COPS7B: variants seen among roughly 807,000 people sequenced by gnomAD.
COPS7B encodes the protein COP9 signalosome subunit 7B, also known as COP9 signalosome complex subunit 7b.
In COPS7B, 9 loss-of-function variants were observed where a neutral mutation model predicts 33.4. The observed-to-expected ratio is 0.27, with a 90% CI of 0.16 to 0.47. COPS7B has a LOEUF of 0.47. Among genes scored for constraint, COPS7B ranks in the 20% least tolerant of loss-of-function variants. The probability of loss-of-function intolerance (pLI) is 0.99; values close to 1 mark genes in which losing one functional copy is unlikely to be tolerated. For synonymous variants in COPS7B, 119 were observed against 126.3 expected (o/e 0.94, Z 0.39); for missense variants, 242 against 318.2 (o/e 0.76, Z 1.82).
chr2:231,788,715 C>A lies in COPS7B; in HGVS notation c.145C>A (p.Leu49Met), dbSNP rs759195293. The change falls in exon 2 of 7, where the codon CTG becomes ATG. Residue 49 changes from leucine to methionine, a missense_variant. By Grantham distance (15) the Leu-to-Met change is conservative. Coordinates refer to ENST00000350033, the MANE Select transcript of COPS7B (RefSeq NM_022730.4). Reference protein sequence around the residue: ...GVYVFGELLELANVQELAEGA... With the variant: ...GVYVFGELLEMANVQELAEGA... ...GTATGTCTTTGGAGAACTTCTGGAGCTGGCCAACGTGCAGGAGGTAAGAAC... is the reference window on the plus strand; with the variant it reads ...GTATGTCTTTGGAGAACTTCTGGAGATGGCCAACGTGCAGGAGGTAAGAAC... 3.7e-6 allele frequency: 6 copies of A among 1,614,012 alleles called. No individual in the cohort carries two copies. The highest frequency in any genetic ancestry group is 5.1e-6 in the Non-Finnish European group (6 of 1,179,986).
chr2:231,807,442 G>A, intron 6 of COPS7B, 45 bp from the exon 7 acceptor site: 1 of 1,537,286 alleles, frequency 6.5e-7, no homozygotes, highest in Non-Finnish European at 8.8e-7. Context: ...AAGTTTTGGT[G>A]AGCACATACA....
At chr2:231,786,627 C>A in intron 1 of COPS7B, 89 bp downstream of exon 1, 1 of 618,440 alleles carries the variant, frequency 1.6e-6, no homozygotes, top group Non-Finnish European at 2.0e-6. Flanking sequence ...CCAAGGAAGC[C>A]CGCGGCCGTG....
chr2:231,807,783 G>A lies in COPS7B; in HGVS notation c.*138G>A. 1.4e-6 allele frequency: 1 copy of A among 740,330 alleles called. No homozygotes were observed. The highest frequency in any genetic ancestry group is 2.1e-6 in the Non-Finnish European group (1 of 472,666). The allele number at this position is 740,330 out of a possible 1,614,324, so 45.9% of individuals were successfully genotyped here. ...TCACCAGCGCCTCCCCACCCTGTTG[G>A]TACTGTTCCAGAAAAACTGTTACTC... On this transcript the variant is annotated 3_prime_UTR_variant, in exon 7 of 7. Transcript: ENST00000350033.
At chr2:231,787,454 G>T (rs1356792911) in intron 1 of COPS7B, among the ~76,000 whole-genome samples, 2 of 152,106 alleles carry the variant, frequency 1.3e-5, no homozygotes, top group African/African-American at 4.8e-5. Flanking sequence ...TGGAACTCCT[G>T]TACACTCAGC....
upstream of COPS7B, chr2:231,786,432 A>T (rs2049243274): frequency 1.0e-6 from 1 of 985,704 alleles, no homozygotes; most frequent in Non-Finnish European, 1.2e-6. Flanking sequence ...GTCGGCGGAG[A>T]CAGAAAAGCG....
chr2:231,805,433 T>TATA (rs1559377865), intron 6 of COPS7B, among the ~76,000 whole-genome samples: 2 of 113,264 alleles, frequency 1.8e-5, no homozygotes, highest in African/African-American at 4.2e-5. Context: ...ATATATATAT[T>TATA]TTTTTTTAAA....
chr2:231,807,356 G>C (rs1302748549), intron 6 of COPS7B, 131 bp from the exon 7 acceptor site: 4 of 912,408 alleles, frequency 4.4e-6, no homozygotes, highest in Non-Finnish European at 6.3e-6. Flanking sequence ...CTGCTCATCT[G>C]GATTTCTGAA....
chr2:231,800,994 C>A, intron 6 of COPS7B: 3 of 711,332 alleles, frequency 4.2e-6, no homozygotes, highest in South Asian at 3.7e-5. Context: ...TAGCTACTGA[C>A]TTGAAAGGAA....
chr2:231,781,769 C>T (rs1574642793), upstream of COPS7B: 2 of 1,484,986 alleles, frequency 1.3e-6, no homozygotes, highest in Admixed American at 2.0e-5. Flanking sequence ...TTGGTCGTTT[C>T]GGAATCCCGA....
intron 5 of COPS7B, among the ~76,000 whole-genome samples, chr2:231,796,971 A>G (rs995539313): frequency 1.3e-5 from 2 of 152,250 alleles, no homozygotes; most frequent in African/African-American, 4.8e-5. Flanking sequence ...CTCACATTCT[A>G]CGAGGATTCA....
intron 1 of COPS7B, among the ~76,000 whole-genome samples, chr2:231,787,270 TTTC>T (rs1559351368): frequency 6.6e-6 from 1 of 152,228 alleles, no homozygotes; most frequent in African/African-American, 2.4e-5. Context: ...GACATACTTG[TTTC>T]TCTAATACTG....
In COPS7B at chr2:231,796,149, A is replaced by C. The variant is rs770972842; in HGVS notation, c.371A>C (p.Asn124Thr). ...TTGCTGAAAGACCTGGAGATGCGGA[A>C]TCTCCGGGAACTAGAAGACCTTATC... is the stretch of plus-strand genomic sequence containing the variant. ...SVLLKDLEMR[N>T]LRELEDLIIE... Residue 124 changes from asparagine to threonine, a missense_variant, in exon 5 of 7, where the codon AAT becomes ACT. Coordinates refer to ENST00000350033, the MANE Select transcript of COPS7B (RefSeq NM_022730.4). 1.9e-6 allele frequency: 3 copies of C among 1,614,124 alleles called. No homozygotes were observed. The highest frequency in any genetic ancestry group is 1.7e-6 in the Non-Finnish European group (2 of 1,180,004).
rs2049947465 is a variant in COPS7B at position 231,808,076 on chromosome 2, C to G, written c.*431C>G. 4.9e-6 allele frequency: 1 copy of G among 204,120 alleles called. No individual in the cohort carries two copies. The highest frequency in any genetic ancestry group is 9.9e-6 in the Non-Finnish European group (1 of 100,622). 12.6% of individuals were successfully genotyped at this position (204,120 alleles called of 1,614,324 possible). A position where few individuals can be genotyped will look rare whatever the true frequency, so the allele number is the denominator to read the frequency against. ...GAGGAGGGGGCACTCCTCTCCAGCCCCTGGTACCACAGTCCTCACGATGGT... is the reference window on the plus strand; with the variant it reads ...GAGGAGGGGGCACTCCTCTCCAGCCGCTGGTACCACAGTCCTCACGATGGT... On this transcript the variant is annotated 3_prime_UTR_variant, in exon 7 of 7. Transcript: ENST00000350033.
chr2:231,794,828 T>A (rs1257877500), intron 4 of COPS7B, among the ~76,000 whole-genome samples: 2 of 152,044 alleles, frequency 1.3e-5, no homozygotes, highest in East Asian at 3.9e-4. Flanking sequence ...TGATCTCAGC[T>A]CACTGCAACC....
Position 231,796,297 on chromosome 2 carries a change from C to T in COPS7B, c.519C>T (p.Thr173=), listed in dbSNP as rs137948849. Residue 173 remains threonine, a synonymous_variant, in exon 5 of 7, where the codon ACC becomes ACT. Coordinates refer to ENST00000350033, the MANE Select transcript of COPS7B (RefSeq NM_022730.4). ...AGGATATCAATAATATTGTCAAGAC[C>T]CTGCATGAATGGTGAGGCTAAAAGG... is the stretch of plus-strand genomic sequence containing the variant. ...RKKDINNIVK[T]LHEWCDGCEA... 3.7e-4 allele frequency: 603 copies of T among 1,613,844 alleles called. 3 individuals are homozygous for T. The African/African-American group carries it at 7.2e-3, about 19-fold the overall frequency.
At chr2:231,805,999 C>T (rs1334977053) in intron 6 of COPS7B, among the ~76,000 whole-genome samples, 1 of 151,980 alleles carries the variant, frequency 6.6e-6, no homozygotes, top group Non-Finnish European at 1.5e-5. Flanking sequence ...ATTCTCTCTT[C>T]AGAAAGGCTA....
upstream of COPS7B, among the ~76,000 whole-genome samples, chr2:231,783,413 C>G (rs1210663074): frequency 6.6e-6 from 1 of 152,188 alleles, no homozygotes; most frequent in Non-Finnish European, 1.5e-5. Flanking sequence ...CTAGGTGCCT[C>G]TTATCCTTGT....
chr2:231,782,949 C>G (rs1162474899), upstream of COPS7B, among the ~76,000 whole-genome samples: 2 of 152,202 alleles, frequency 1.3e-5, no homozygotes, highest in Non-Finnish European at 2.9e-5. Context: ...AGTGCTCCCT[C>G]CCAATCAGTA....
At chr2:231,797,919 C>T (rs888966207) in intron 5 of COPS7B, among the ~76,000 whole-genome samples, 2 of 152,164 alleles carry the variant, frequency 1.3e-5, no homozygotes, top group African/African-American at 4.8e-5. Flanking sequence ...GACAGTTTTG[C>T]TCTTGTTGCC....
Sources: allele counts gnomAD v4.1 joint callset (sites outside exome capture counted in the v4.1 genomes callset), GRCh38; gene constraint gnomAD v4.1.1; transcripts MANE v1.5; gene names NCBI Gene and HGNC (gene_info 2026-07-23, HGNC 2026-07-21).